Variants in PACS2 observed in about 807,000 individuals in gnomAD.
PACS2 encodes the protein phosphofurin acidic cluster sorting protein 2.
A neutral mutation model predicts 113.0 loss-of-function variants in PACS2; 36 were observed. That is an observed-to-expected ratio of 0.32 (90% confidence interval 0.24 to 0.42). The LOEUF is 0.42. PACS2 is among the 10% of genes least tolerant of loss of function. PACS2 has a pLI of 1.00. For synonymous variants in PACS2, 589 were observed against 536.1 expected (o/e 1.10, Z -1.36); for missense variants, 1,015 against 1,239.5 (o/e 0.82, Z 2.72).
intron 12 of PACS2, 141 bp downstream of exon 12, chr14:105,381,240 CCTT>C: frequency 1.5e-6 from 1 of 671,916 alleles, no homozygotes; most frequent in African/African-American, 1.8e-5. Context: ...AGGGCCTCGT[CCTT>C]CTTAAAAAGG....
chr14:105,309,947 G>A (rs916082071), upstream of PACS2, among the ~76,000 whole-genome samples: 1 of 151,556 alleles, frequency 6.6e-6, no homozygotes, highest in Admixed American at 6.6e-5. The surrounding 1 kb of genome is among the most constrained non-coding windows in gnomAD (Gnocchi z 4.0). Flanking sequence ...CACCACACCC[G>A]ACTAATTTTT....
chr14:105,368,375 C>A, intron 6 of PACS2, 84 bp from the exon 7 acceptor site: 2 of 1,091,012 alleles, frequency 1.8e-6, no homozygotes, highest in Admixed American at 1.7e-5. Flanking sequence ...CCGGGCCTCT[C>A]CCATCGCCCA....
At chr14:105,325,939 G>A (rs1449197890) in intron 1 of PACS2, among the ~76,000 whole-genome samples, 1 of 152,226 alleles carries the variant, frequency 6.6e-6, no homozygotes, top group African/African-American at 2.4e-5. Flanking sequence ...ATCTGCATCA[G>A]GACAGAGGTG....
At chr14:105,393,161 G>A in intron 23 of PACS2, 61 bp from the exon 24 acceptor site, 1 of 1,317,748 alleles carries the variant, frequency 7.6e-7, no homozygotes, top group Non-Finnish European at 1.1e-6. Flanking sequence ...CGTACCCCTG[G>A]CCCTGGCCCC....
Position 105,354,318 on chromosome 14 carries a change from T to C in PACS2, c.298-734T>C, listed in dbSNP as rs587614893. ...GGTTTTGCCATGTTGGCTAGGGTGG[T>C]CTCGAACTCCCTACCTCAGGTGATC... On this transcript the variant is annotated intron_variant, in intron 3 of 24. Transcript: ENST00000447393. The surrounding 1 kb of genome is among the most constrained non-coding windows in gnomAD (Gnocchi z 4.2). Among the ~76,000 whole-genome samples, 23 of 152,086 alleles carry C rather than the reference T, an allele frequency of 1.5e-4. No individual in the cohort carries two copies. The highest frequency in any genetic ancestry group is 1.8e-4 in the Non-Finnish European group (12 of 67,980).
chr14:105,348,465 C>T lies in PACS2; in HGVS notation c.120-28C>T, dbSNP rs376884483. On this transcript the variant is annotated intron_variant, in intron 1 of 24. Transcript: ENST00000447393. The surrounding 1 kb of genome is among the most constrained non-coding windows in gnomAD (Gnocchi z 6.4). ...GCGTCCTGAGGAGAGGGCGGAGCCC[C>T]GAGGCTGAGCTGTGCCTTGCCTCAC... is the stretch of plus-strand genomic sequence containing the variant. 28 of 1,567,372 alleles carry T rather than the reference C, an allele frequency of 1.8e-5. No homozygotes were observed. The highest frequency in any genetic ancestry group is 3.3e-5 in the Admixed American group (2 of 59,904).
intron 7 of PACS2, among the ~76,000 whole-genome samples, chr14:105,369,125 TG>T (rs1414097505): frequency 1.1e-4 from 16 of 152,238 alleles, no homozygotes; most frequent in African/African-American, 3.6e-4. Context: ...ACAAGGGACA[TG>T]GGCACAGCCC....
intron 2 of PACS2, among the ~76,000 whole-genome samples, chr14:105,351,091 G>A (rs1055507713): frequency 1.4e-4 from 22 of 152,238 alleles, no homozygotes; most frequent in Admixed American, 7.2e-4. Flanking sequence ...CTGGACCCCC[G>A]CCCGCCCTCC....
rs1245706008 is a variant in PACS2 at position 105,354,755 on chromosome 14, C to T, written c.298-297C>T. Among the ~76,000 whole-genome samples, 2 of 152,242 alleles carry T rather than the reference C, an allele frequency of 1.3e-5. No homozygotes were observed. The highest frequency in any genetic ancestry group is 2.9e-5 in the Non-Finnish European group (2 of 68,042). ...TGTCCACAGGCGCGCTCGGCCATCCCGGACACTGCAGCACATAGTCCTTGT... is the reference window on the plus strand; with the variant it reads ...TGTCCACAGGCGCGCTCGGCCATCCTGGACACTGCAGCACATAGTCCTTGT... On this transcript the variant is annotated intron_variant, in intron 3 of 24. Coordinates refer to ENST00000447393, the MANE Select transcript of PACS2 (RefSeq NM_001100913.3). The surrounding 1 kb of genome is among the most constrained non-coding windows in gnomAD (Gnocchi z 4.2).
intron 1 of PACS2, among the ~76,000 whole-genome samples, chr14:105,302,928 G>T (rs141869986): frequency 6.7e-6 from 1 of 148,154 alleles, no homozygotes; most frequent in Non-Finnish European, 1.5e-5. Context: ...ACTGCTCCCC[G>T]CCCTTTCTCT....
chr14:105,384,896 A>G lies in PACS2; in HGVS notation c.1909A>G (p.Ile637Val). 5 of 1,591,074 alleles carry G rather than the reference A, an allele frequency of 3.1e-6. No individual in the cohort carries two copies. Among genetic ancestry groups the G allele is most frequent in the South Asian group, 1.1e-5 (1 of 87,842 alleles). ...AQSAVQDTPD[I>V]VSRITQYIAG... is the part of the protein sequence containing the mutation. ...CCCTGCAGTACAGGACACGCCAGAC[A>G]TTGTGTCACGCATCACGCAGTACAT... Residue 637 changes from isoleucine to valine, a missense_variant, in exon 18 of 25, where the codon ATT (isoleucine) becomes GTT (valine). Ile to Val is a conservative substitution (Grantham distance 29). Transcript: ENST00000447393.
At position 105,348,992 on chromosome 14, in the gene PACS2, A is replaced by T. The variant is rs1435748315; in HGVS notation, c.207+412A>T. Reference sequence around the variant, plus strand: ...TCTGGGAGGCGAGGGCCTAGCCAGAACTCCCAGCCCCTGGTGCCAGGGCCT... The same window carrying T: ...TCTGGGAGGCGAGGGCCTAGCCAGATCTCCCAGCCCCTGGTGCCAGGGCCT... On this transcript the variant is annotated intron_variant, in intron 2 of 24. Transcript: ENST00000447393. The surrounding 1 kb of genome is among the most constrained non-coding windows in gnomAD (Gnocchi z 6.4). 6.6e-6 allele frequency among the ~76,000 whole-genome samples: 1 copy of T among 152,082 alleles called. No homozygotes were observed. The highest frequency in any genetic ancestry group is 2.4e-5 in the African/African-American group (1 of 41,418).
chr14:105,314,227 G>C (rs192761952), upstream of PACS2, among the ~76,000 whole-genome samples: 1 of 151,844 alleles, frequency 6.6e-6, no homozygotes, highest in Non-Finnish European at 1.5e-5. Context: ...CCGCACAGCC[G>C]GGCCAACCCA....
chr14:105,385,760 G>A (rs1555413473), intron 19 of PACS2, 43 bp downstream of exon 19: 8 of 1,357,668 alleles, frequency 5.9e-6, no homozygotes, highest in Non-Finnish European at 7.9e-6. Flanking sequence ...CTGTCCCCAG[G>A]CTGGTCTTCA....
intron 1 of PACS2, among the ~76,000 whole-genome samples, chr14:105,302,248 G>A (rs1317932289): frequency 6.8e-6 from 1 of 147,890 alleles, no homozygotes; most frequent in Non-Finnish European, 1.5e-5. Context: ...CTGTTGCCCA[G>A]GCTGGAGTGC....
Position 105,323,578 on chromosome 14 carries a change from G to C in PACS2, c.119+8541G>C, listed in dbSNP as rs1810802481. ...CAAGGAGTGTGGTTTCATTTTGAGT[G>C]GTGGGGAAGTCGCTGGACTATTTCA... On this transcript the variant is annotated intron_variant, in intron 1 of 24. Transcript: ENST00000447393. This position sits in a 1 kb window ranked among gnomAD's most constrained non-coding sequence, Gnocchi z 4.1. Among the ~76,000 whole-genome samples, 1 of 152,246 alleles carries C rather than the reference G, an allele frequency of 6.6e-6. No individual in the cohort carries two copies. The highest frequency in any genetic ancestry group is 1.5e-5 in the Non-Finnish European group (1 of 68,044).
chr14:105,350,662 C>T (rs1555403756), intron 2 of PACS2, among the ~76,000 whole-genome samples: 2 of 152,242 alleles, frequency 1.3e-5, no homozygotes, highest in African/African-American at 4.8e-5. Flanking sequence ...CGCAGCCCCA[C>T]CTGCCCCTCA....
In PACS2 at chr14:105,348,658, G is replaced by A; in HGVS notation, c.207+78G>A. 1 of 1,071,448 alleles carries A rather than the reference G, an allele frequency of 9.3e-7. No individual in the cohort carries two copies. Among genetic ancestry groups the A allele is most frequent in the Middle Eastern group, 2.0e-4 (1 of 4,888 alleles). 66.4% of individuals were successfully genotyped at this position (1,071,448 alleles called of 1,614,324 possible). A position where few individuals can be genotyped will look rare whatever the true frequency, so the allele number is the denominator to read the frequency against. On this transcript the variant is annotated intron_variant, in intron 2 of 24. Coordinates refer to ENST00000447393, the MANE Select transcript of PACS2 (RefSeq NM_001100913.3). The surrounding 1 kb of genome is among the most constrained non-coding windows in gnomAD (Gnocchi z 6.4). ...GTGCCTGGGAGACGAGTCAGGCGGT[G>A]CGCTACTGTGGGGCCTTGTGCCAAA...
intron 1 of PACS2, among the ~76,000 whole-genome samples, chr14:105,326,816 T>C (rs587720971): frequency 6.6e-6 from 1 of 152,300 alleles, no homozygotes; most frequent in South Asian, 2.1e-4. Context: ...AGGACTCTAC[T>C]GTTCCTCCTG....
Sources: allele counts gnomAD v4.1 joint callset (sites outside exome capture counted in the v4.1 genomes callset), GRCh38; gene constraint gnomAD v4.1.1; non-coding constraint Gnocchi (gnomAD v3.1); transcripts MANE v1.5; gene names NCBI Gene and HGNC (gene_info 2026-07-23, HGNC 2026-07-21).